Variants in MLIP observed in about 807,000 individuals in gnomAD.
MLIP encodes the protein muscular LMNA interacting protein.
In MLIP, 79 loss-of-function variants were observed where a neutral mutation model predicts 84.8. That is an observed-to-expected ratio of 0.93 (90% CI 0.78 to 1.12). MLIP has a LOEUF of 1.12. MLIP is among the 50% of genes most tolerant of loss of function. The pLI is 0.00. For missense variants in MLIP, 1,257 were observed against 1,160.6 expected (o/e 1.08, Z -1.21); for synonymous variants, 504 against 463.0 (o/e 1.09, Z -1.14).
At chr6:54,264,297 A>G (rs1021925321) in intron 13 of MLIP, among the ~76,000 whole-genome samples, 3 of 152,100 alleles carry the variant, frequency 2.0e-5, no homozygotes, top group Non-Finnish European at 2.9e-5. Flanking sequence ...ATATGCTCAT[A>G]TATCTTCTAT....
intron 4 of MLIP, among the ~76,000 whole-genome samples, chr6:54,146,142 G>A (rs1394477575): frequency 2.0e-5 from 3 of 152,094 alleles, no homozygotes; most frequent in African/African-American, 7.2e-5. Flanking sequence ...TTTGAAAAAA[G>A]ATGAAAGGAT....
At chr6:54,215,004 A>T in intron 11 of MLIP, 6 of 517,172 alleles carry the variant, frequency 1.2e-5, no homozygotes, top group Non-Finnish European at 2.0e-5. Context: ...AGGAGACGAT[A>T]TCCCTCCCTC....
chr6:54,106,349 G>C lies in MLIP; in HGVS notation c.64-15098G>C, dbSNP rs114350865. ...GCTGACCACAGTTACAGCACTCCCA[G>C]CAGCTGGGGAATACGTCCTTCAGCC... On this transcript the variant is annotated intron_variant, in intron 1 of 12. Coordinates refer to the MLIP transcript ENST00000274897. 1.3e-3 allele frequency among the ~76,000 whole-genome samples: 205 copies of C among 152,204 alleles called. 1 individual carries two copies. The highest frequency in any genetic ancestry group is 4.7e-3 in the African/African-American group (195 of 41,526).
In MLIP at chr6:54,043,248, C is replaced by T. The variant is rs1042207990; in HGVS notation, c.63+24157C>T. 23 of 152,158 alleles carry T rather than the reference C, an allele frequency of 1.5e-4. 1 individual carries two copies. The highest frequency in any genetic ancestry group is 1.3e-3 in the Admixed American group (20 of 15,280). 9.4% of individuals were successfully genotyped at this position (152,158 alleles called of 1,614,324 possible). A position where few individuals can be genotyped will look rare whatever the true frequency, so the allele number is the denominator to read the frequency against. ...TCTGGGACTTCTTAGATAATGTCTT[C>T]ATTTTATATCAACAATGAGTGTGAA... On this transcript the variant is annotated intron_variant, in intron 1 of 12. Transcript: ENST00000274897.
intron 12 of MLIP, among the ~76,000 whole-genome samples, chr6:54,256,733 CTA>C (rs1294004701): frequency 6.6e-6 from 1 of 152,070 alleles, no homozygotes; most frequent in African/African-American, 2.4e-5. Flanking sequence ...TAAAGTGTCT[CTA>C]TGATATAAAT....
chr6:54,071,527 A>T (rs1214343512), intron 1 of MLIP, among the ~76,000 whole-genome samples: 1 of 152,152 alleles, frequency 6.6e-6, no homozygotes, highest in Non-Finnish European at 1.5e-5. Flanking sequence ...AGTAATAATG[A>T]GTTAACCTGT....
At chr6:54,060,634 A>G (rs965386029) in intron 1 of MLIP, among the ~76,000 whole-genome samples, 1 of 152,200 alleles carries the variant, frequency 6.6e-6, no homozygotes, top group Non-Finnish European at 1.5e-5. Flanking sequence ...CTTTAGATGA[A>G]AATCTATGGA....
chr6:54,221,610 A>G (rs1780226514), intron 11 of MLIP, among the ~76,000 whole-genome samples: 1 of 152,148 alleles, frequency 6.6e-6, no homozygotes, highest in African/African-American at 2.4e-5. Context: ...AAACCAAAAT[A>G]TAACCTCTAT....
chr6:54,035,227 A>C (rs917869366), intron 1 of MLIP, among the ~76,000 whole-genome samples: 1 of 152,152 alleles, frequency 6.6e-6, no homozygotes, highest in Non-Finnish European at 1.5e-5. Flanking sequence ...GACTGTATAC[A>C]AGCATTTTTG....
At chr6:54,199,478 G>C (rs561794928) in intron 10 of MLIP, among the ~76,000 whole-genome samples, 2 of 152,188 alleles carry the variant, frequency 1.3e-5, no homozygotes, top group African/African-American at 4.8e-5. Context: ...AATGTTATTA[G>C]CTGCAATGGG....
At chr6:54,106,338 C>A (rs535247100) in intron 1 of MLIP, among the ~76,000 whole-genome samples, 169 of 152,212 alleles carry the variant, frequency 1.1e-3, no homozygotes, top group Non-Finnish European at 1.7e-3. Context: ...ACCACAGTTA[C>A]AGCACTCCCA....
In MLIP at chr6:54,137,711, G is replaced by A; in HGVS notation, c.1642G>A (p.Val548Met). The A allele has an allele frequency of 6.5e-7, 1 of 1,536,068 alleles. No individual in the cohort carries two copies. The highest frequency in any genetic ancestry group is 1.7e-4 in the Middle Eastern group (1 of 5,990). ...SLLQTSTSSS[V>M]GLPPVPPSSS... ...GCTACAAACCAGTACATCCAGTTCT[G>A]TGGGTCTTCCTCCTGTTCCACCAAG... The change falls in exon 4 of 14, where the codon GTG becomes ATG. Residue 548 changes from valine to methionine, a missense_variant. Val to Met is a conservative substitution (Grantham distance 21, BLOSUM62 1). Coordinates refer to ENST00000502396, the MANE Select transcript of MLIP (RefSeq NM_001281747.2).
intron 9 of MLIP, among the ~76,000 whole-genome samples, chr6:54,182,293 G>C (rs1035174798): frequency 2.0e-5 from 3 of 152,138 alleles, no homozygotes; most frequent in Non-Finnish European, 4.4e-5. Flanking sequence ...GCTGTTACAA[G>C]GCAGCACTGA....
At chr6:54,189,129 A>G (rs1777679115) in intron 9 of MLIP, among the ~76,000 whole-genome samples, 1 of 152,238 alleles carries the variant, frequency 6.6e-6, no homozygotes, top group Admixed American at 6.5e-5. Context: ...ATGGGAAGTT[A>G]CTAATCAACA....
At chr6:54,225,624 A>G (rs376664895) in intron 11 of MLIP, among the ~76,000 whole-genome samples, 1 of 152,204 alleles carries the variant, frequency 6.6e-6, no homozygotes, top group African/African-American at 2.4e-5. Flanking sequence ...ATAAATATCA[A>G]TGCAGATATC....
intron 5 of MLIP, among the ~76,000 whole-genome samples, chr6:54,159,855 G>A (rs1478062740): frequency 6.6e-6 from 1 of 151,950 alleles, no homozygotes; most frequent in African/African-American, 2.4e-5. Flanking sequence ...GAGACAGAGA[G>A]TCTGAAGCCA....
In MLIP at chr6:54,123,604, C is replaced by T. The variant is rs1031773835; in HGVS notation, c.253-869C>T. 5.9e-5 allele frequency among the ~76,000 whole-genome samples: 9 copies of T among 152,208 alleles called. No individual in the cohort carries two copies. The East Asian group carries it at 1.2e-3, about 20-fold the overall frequency. On this transcript the variant is annotated intron_variant, in intron 2 of 13. Transcript: ENST00000502396. ...CACACAGTACACATTAAATTGACCA[C>T]CAGAGTTGAAATTATTAGCATATTT...
chr6:54,236,382 C>T (rs1422689655), intron 12 of MLIP, among the ~76,000 whole-genome samples: 2 of 152,162 alleles, frequency 1.3e-5, no homozygotes, highest in Non-Finnish European at 2.9e-5. Context: ...GGCTGGATCA[C>T]CTGAGGTCAG....
At chr6:54,034,906 C>T (rs2150290176) in intron 1 of MLIP, among the ~76,000 whole-genome samples, 1 of 152,230 alleles carries the variant, frequency 6.6e-6, no homozygotes, top group East Asian at 1.9e-4. Flanking sequence ...ATGCCCTATA[C>T]AGGTGTGCCA....
Sources: allele counts gnomAD v4.1 joint callset (sites outside exome capture counted in the v4.1 genomes callset), GRCh38; gene constraint gnomAD v4.1.1; transcripts MANE v1.5; gene names NCBI Gene and HGNC (gene_info 2026-07-23, HGNC 2026-07-21).